The following SCHIP1 variants were observed in gnomAD, a reference collection of about 807,000 sequenced individuals.
SCHIP1 encodes schwannomin-interacting protein 1.
Under a neutral mutation model 29.7 loss-of-function variants are expected in SCHIP1, and 8 were observed. The ratio of observed to expected loss-of-function variants is 0.27; its 90% CI spans 0.16 to 0.49. SCHIP1 has a LOEUF of 0.49. Ranked by LOEUF, SCHIP1 falls within the 20% of genes least tolerant of loss-of-function variation. The pLI, the probability that SCHIP1 is intolerant of heterozygous loss-of-function variation, is 0.99. For synonymous variants in SCHIP1, 76 were observed against 94.9 expected, an observed-to-expected ratio of 0.80 and a Z score of 1.16; for missense variants, 193 against 294.6, an observed-to-expected ratio of 0.66 and a Z score of 2.52.
chr3:159,290,825 C>T, the SCHIP1 span, among the ~76,000 whole-genome samples: 4 of 151,914 alleles, frequency 2.6e-5, no homozygotes, highest in Admixed American at 2.6e-4. Context: ...AATTATCTTA[C>T]TGTTGTAAGG....
At chr3:159,757,884 G>A in the SCHIP1 span, among the ~76,000 whole-genome samples, 1 of 152,172 alleles carries the variant, frequency 6.6e-6, no homozygotes, top group Non-Finnish European at 1.5e-5. Context: ...GTCAAGACAT[G>A]ACCAAAACAG....
chr3:159,737,271 C>T, the SCHIP1 span, among the ~76,000 whole-genome samples: 294 of 152,174 alleles, frequency 1.9e-3, no homozygotes, highest in Non-Finnish European at 3.7e-3. Flanking sequence ...GCAGTGGCTC[C>T]CAAACTAGAA....
At chr3:159,433,694 G>A in the SCHIP1 span, among the ~76,000 whole-genome samples, 2 of 152,084 alleles carry the variant, frequency 1.3e-5, no homozygotes, top group African/African-American at 4.8e-5. Context: ...CTGTAAAATG[G>A]GGAAAATAAG....
the SCHIP1 span, among the ~76,000 whole-genome samples, chr3:159,403,416 TCA>T: frequency 0.016 from 2,504 of 152,270 alleles, 54 homozygotes; most frequent in African/African-American, 0.057. Context: ...TCTCGAATTG[TCA>T]ACACCACCTC....
At chr3:159,410,473 G>T in the SCHIP1 span, among the ~76,000 whole-genome samples, 3 of 152,092 alleles carry the variant, frequency 2.0e-5, no homozygotes, top group African/African-American at 7.2e-5. Context: ...CAAAAGATCT[G>T]AATAGATATT....
At chr3:159,423,837 G>C in the SCHIP1 span, among the ~76,000 whole-genome samples, 1 of 151,924 alleles carries the variant, frequency 6.6e-6, no homozygotes, top group Non-Finnish European at 1.5e-5. Flanking sequence ...CACTTCACAC[G>C]GCCGGATACT....
At chr3:159,364,660 C>T in the SCHIP1 span, among the ~76,000 whole-genome samples, 1 of 152,194 alleles carries the variant, frequency 6.6e-6, no homozygotes, top group Non-Finnish European at 1.5e-5. Context: ...GATTGAATGT[C>T]ACCTCTGCAA....
At chr3:159,652,925 T>C in the SCHIP1 span, among the ~76,000 whole-genome samples, 1 of 152,218 alleles carries the variant, frequency 6.6e-6, no homozygotes, top group African/African-American at 2.4e-5. Context: ...AAGACAAAAA[T>C]TGTGTGTTCT....
the SCHIP1 span, among the ~76,000 whole-genome samples, chr3:159,284,611 T>A: frequency 6.6e-6 from 1 of 152,088 alleles, no homozygotes; most frequent in Admixed American, 6.6e-5. Flanking sequence ...GCCTCAGCCT[T>A]CTGAGTAGCT....
the SCHIP1 span, among the ~76,000 whole-genome samples, chr3:159,348,065 T>G: frequency 6.6e-6 from 1 of 152,194 alleles, no homozygotes; most frequent in Non-Finnish European, 1.5e-5. Flanking sequence ...TTTTAGAAGT[T>G]TTTGTAATGT....
At chr3:159,865,152 T>A (rs1560088501) in intron 1 of SCHIP1, among the ~76,000 whole-genome samples, 1 of 152,160 alleles carries the variant, frequency 6.6e-6, no homozygotes. Context: ...CATTTTGTAA[T>A]ATAGTTTGCT....
chr3:159,778,132 C>T, the SCHIP1 span, among the ~76,000 whole-genome samples: 105 of 152,216 alleles, frequency 6.9e-4, no homozygotes, highest in African/African-American at 2.5e-3. Flanking sequence ...CAGGCGCCCG[C>T]CAGCGCGCCT....
At chr3:159,616,979 C>T in the SCHIP1 span, among the ~76,000 whole-genome samples, 40 of 152,264 alleles carry the variant, frequency 2.6e-4, no homozygotes, top group Admixed American at 7.8e-4. Flanking sequence ...CCACATGTAG[C>T]CAATGGGTAC....
chr3:159,523,707 A>C, the SCHIP1 span, among the ~76,000 whole-genome samples: 6 of 152,148 alleles, frequency 3.9e-5, no homozygotes, highest in African/African-American at 1.2e-4. Context: ...ATTCACTAAC[A>C]CTTTGAGAAC....
At chr3:159,880,732 CAATG>C (rs544877431) in intron 2 of SCHIP1, among the ~76,000 whole-genome samples, 2 of 152,088 alleles carry the variant, frequency 1.3e-5, no homozygotes, top group African/African-American at 2.4e-5. Flanking sequence ...GCCTGATCAT[CAATG>C]AATGAATGAA....
chr3:159,838,456 C>T (rs893658130), upstream of SCHIP1, among the ~76,000 whole-genome samples: 6 of 152,034 alleles, frequency 3.9e-5, no homozygotes, highest in African/African-American at 7.2e-5. Flanking sequence ...GTTTTTGAGA[C>T]GGCTACATAA....
At chr3:159,816,041 C>G in the SCHIP1 span, among the ~76,000 whole-genome samples, 3 of 151,828 alleles carry the variant, frequency 2.0e-5, no homozygotes, top group Non-Finnish European at 1.5e-5. Flanking sequence ...CTCTGCCTCC[C>G]AGGTTCAAGC....
At chr3:159,463,884 C>T in the SCHIP1 span, among the ~76,000 whole-genome samples, 1 of 152,084 alleles carries the variant, frequency 6.6e-6, no homozygotes, top group African/African-American at 2.4e-5. Context: ...CTTTTCTGTA[C>T]ATATTGATCA....
At chr3:159,707,995 C>T in the SCHIP1 span, among the ~76,000 whole-genome samples, 1 of 152,104 alleles carries the variant, frequency 6.6e-6, no homozygotes, top group South Asian at 2.1e-4. Context: ...TCTTTCTCGC[C>T]TTCTATTCTT....
Sources: gnomAD v4.1 joint callset for allele counts (sites outside exome capture counted in the v4.1 genomes callset) on GRCh38, gnomAD v4.1.1 for gene constraint, MANE v1.5 for transcripts, NCBI Gene and HGNC (gene_info 2026-07-23, HGNC 2026-07-21) for gene names.